Variants in GRID1 observed in about 807,000 individuals in gnomAD.
GRID1 encodes glutamate ionotropic receptor delta type subunit 1, also known as glutamate receptor ionotropic, delta-1.
A neutral mutation model predicts 98.0 loss-of-function variants in GRID1; 28 were observed. The observed-to-expected ratio is 0.29, with a 90% CI of 0.21 to 0.39. The LOEUF is 0.39. Among genes scored for constraint, GRID1 ranks in the 10% least tolerant of loss-of-function variants. The probability of loss-of-function intolerance (pLI) is 1.00; values close to 1 mark genes in which losing one functional copy is unlikely to be tolerated. For missense variants in GRID1, 1,111 were observed against 1,340.5 expected, an observed-to-expected ratio of 0.83 and a Z score of 2.67; for synonymous variants, 553 against 538.5, an observed-to-expected ratio of 1.03 and a Z score of -0.37.
Position 86,331,287 on chromosome 10 carries a change from T to C in GRID1, c.235+32654A>G, listed in dbSNP as rs768290423. ...GCATTCCAGCCTTGGACTCCCATGC[T>C]AGACAGCCCTGGCTGGGGCAGGAGG... is the stretch of plus-strand genomic sequence containing the variant. On this transcript the variant is annotated intron_variant, in intron 2 of 15. Transcript: ENST00000327946. 4.9e-4 allele frequency among the ~76,000 whole-genome samples: 74 copies of C among 152,236 alleles called. 1 individual carries two copies. The highest frequency in any genetic ancestry group is 7.8e-4 in the Admixed American group (12 of 15,290).
intron 13 of GRID1, among the ~76,000 whole-genome samples, chr10:85,622,794 G>A (rs898909670): frequency 1.3e-5 from 2 of 152,194 alleles, no homozygotes; most frequent in African/African-American, 4.8e-5. Flanking sequence ...GAGTATAACA[G>A]TGTGGAGATG....
chr10:85,890,305 C>T (rs562747429), intron 5 of GRID1, among the ~76,000 whole-genome samples: 1 of 152,084 alleles, frequency 6.6e-6, no homozygotes, highest in South Asian at 2.1e-4. Flanking sequence ...AATGTTCTCA[C>T]CACAAGGAAA....
intron 12 of GRID1, among the ~76,000 whole-genome samples, chr10:85,708,517 A>C (rs1340203179): frequency 1.3e-5 from 2 of 152,258 alleles, no homozygotes; most frequent in Non-Finnish European, 2.9e-5. Flanking sequence ...CTTTTCAGGT[A>C]AACTCATAAG....
rs931863805 is a variant in GRID1, at chr10:86,366,509, G to C, written c.-117C>G. On this transcript the variant is annotated 5_prime_UTR_variant, in exon 1 of 16. Transcript: ENST00000327946. The surrounding 1 kb of genome is among the most constrained non-coding windows in gnomAD (Gnocchi z 4.1). Reference sequence around the variant, plus strand: ...GCCGCTCCCCGGGAGAGCCGAGCCCGCCCGTGCGTCTTCCCCCGCGCGCCC... The same window carrying C: ...GCCGCTCCCCGGGAGAGCCGAGCCCCCCCGTGCGTCTTCCCCCGCGCGCCC... 5.8e-6 allele frequency: 3 copies of C among 515,590 alleles called. No individual in the cohort carries two copies. The highest frequency in any genetic ancestry group is 8.7e-6 in the Non-Finnish European group (3 of 346,558). The allele number at this position is 515,590 out of a possible 1,614,324, so 31.9% of individuals were successfully genotyped here. A position where few individuals can be genotyped will look rare whatever the true frequency, so the allele number is the denominator to read the frequency against.
At chr10:85,932,957 C>T (rs1055656387) in intron 4 of GRID1, among the ~76,000 whole-genome samples, 6 of 152,164 alleles carry the variant, frequency 3.9e-5, no homozygotes, top group African/African-American at 1.4e-4. Context: ...ATAGAACTTG[C>T]TATGGTTCGA....
intron 8 of GRID1, among the ~76,000 whole-genome samples, chr10:85,766,668 T>A (rs1842200142): frequency 6.6e-6 from 1 of 150,818 alleles, no homozygotes; most frequent in South Asian, 2.1e-4. Context: ...GAGGAGAGGA[T>A]CAAAGAGTAG....
rs192094244 is a variant in GRID1, at chr10:86,111,865, A to G, written c.726+26954T>C. ...CTGGAAAGTGCCATTGTTTGCAAAG[A>G]AATAGAATCTCTGGATGACATTCCA... On this transcript the variant is annotated intron_variant, in intron 4 of 15. Transcript: ENST00000327946. Among the ~76,000 whole-genome samples the G allele has an allele frequency of 1.9e-4, 29 of 152,340 alleles. No individual in the cohort carries two copies. In the East Asian group the frequency reaches 3.9e-3, roughly 20 times the overall value.
At chr10:85,684,440 A>T (rs1841246048) in intron 12 of GRID1, among the ~76,000 whole-genome samples, 1 of 152,230 alleles carries the variant, frequency 6.6e-6, no homozygotes, top group Admixed American at 6.5e-5. Flanking sequence ...TAAAATTAGA[A>T]CTATCTATGT....
chr10:85,663,025 C>T lies in GRID1; in HGVS notation c.1998-15628G>A, dbSNP rs543426802. 2.3e-3 allele frequency among the ~76,000 whole-genome samples: 347 copies of T among 152,280 alleles called. 2 individuals are homozygous for T. The highest frequency in any genetic ancestry group is 3.7e-3 in the Non-Finnish European group (249 of 68,022). On this transcript the variant is annotated intron_variant, in intron 12 of 15. Coordinates refer to ENST00000327946, the MANE Select transcript of GRID1 (RefSeq NM_017551.3). ...TATGCCACATGGAACAGTTCTCCTT[C>T]CTAAACATGCGGACAACTCCTCACA...
intron 4 of GRID1, among the ~76,000 whole-genome samples, chr10:85,957,148 G>A (rs1353686252): frequency 6.6e-6 from 1 of 152,120 alleles, no homozygotes; most frequent in Non-Finnish European, 1.5e-5. Context: ...CCTCCCACGA[G>A]GTCCCTCCCC....
At chr10:86,273,667 T>C (rs1353569236) in intron 2 of GRID1, among the ~76,000 whole-genome samples, 6 of 152,118 alleles carry the variant, frequency 3.9e-5, no homozygotes, top group Admixed American at 1.3e-4. Context: ...TGGCCAGTGA[T>C]GGTGAGCATT....
At chr10:86,186,423 C>G (rs1845726264) in intron 3 of GRID1, among the ~76,000 whole-genome samples, 1 of 152,184 alleles carries the variant, frequency 6.6e-6, no homozygotes, top group African/African-American at 2.4e-5. Flanking sequence ...ATTTTCCACT[C>G]TAATCTTCAT....
chr10:85,648,012 G>A (rs1462154202), intron 12 of GRID1: 1 of 152,210 alleles, frequency 6.6e-6, no homozygotes, highest in East Asian at 1.9e-4. Context: ...CCCTCCCCAT[G>A]ACCTCCTCAA....
At chr10:85,811,605 A>G (rs1292926022) in intron 8 of GRID1, among the ~76,000 whole-genome samples, 1 of 152,176 alleles carries the variant, frequency 6.6e-6, no homozygotes, top group African/African-American at 2.4e-5. Context: ...GAGACCAAGC[A>G]AAAGAAAGAA....
intron 13 of GRID1, 90 bp downstream of exon 13, chr10:85,647,112 C>T: frequency 1.0e-6 from 1 of 978,480 alleles, no homozygotes; most frequent in Non-Finnish European, 1.6e-6. Context: ...TGCTCAGAGG[C>T]AGATGCCCCT....
At chr10:85,992,018 G>T (rs1337158412) in intron 4 of GRID1, among the ~76,000 whole-genome samples, 2 of 152,166 alleles carry the variant, frequency 1.3e-5, no homozygotes, top group Non-Finnish European at 2.9e-5. Context: ...TGGATTCAGG[G>T]CAGGGGGCAA....
chr10:85,672,066 C>A (rs1841091916), intron 12 of GRID1, among the ~76,000 whole-genome samples: 1 of 152,174 alleles, frequency 6.6e-6, no homozygotes, highest in Non-Finnish European at 1.5e-5. Flanking sequence ...GCAGCAAGTG[C>A]TGATGGAGCA....
chr10:85,953,097 A>AACCT (rs778977509), intron 4 of GRID1, among the ~76,000 whole-genome samples: 1 of 152,158 alleles, frequency 6.6e-6, no homozygotes, highest in Non-Finnish European at 1.5e-5. Context: ...TATCAACAGT[A>AACCT]ACCTATTCAT....
At chr10:86,073,249 T>G (rs1354227875) in intron 4 of GRID1, among the ~76,000 whole-genome samples, 1 of 152,184 alleles carries the variant, frequency 6.6e-6, no homozygotes, top group Non-Finnish European at 1.5e-5. Flanking sequence ...AGCCTTTCTC[T>G]CCAACAGAGC....
Sources: allele counts gnomAD v4.1 joint callset (sites outside exome capture counted in the v4.1 genomes callset), GRCh38; gene constraint gnomAD v4.1.1; non-coding constraint Gnocchi (gnomAD v3.1); transcripts MANE v1.5; gene names NCBI Gene and HGNC (gene_info 2026-07-23, HGNC 2026-07-21).